The following MDGA2 variants were observed in gnomAD, a reference collection of about 807,000 sequenced individuals.
The protein encoded by MDGA2 is MAM domain containing glycosylphosphatidylinositol anchor 2, also known as MAM domain-containing glycosylphosphatidylinositol anchor protein 2.
A neutral mutation model predicts 117.8 loss-of-function variants in MDGA2; 40 were observed. That is an observed-to-expected ratio of 0.34 (90% CI 0.26 to 0.44). The LOEUF (loss-of-function observed/expected upper bound fraction) is 0.44, where lower values mean the gene tolerates loss of function less well. MDGA2 is among the 20% of genes least tolerant of loss of function. MDGA2 has a pLI of 1.00. For missense variants in MDGA2, 1,123 were observed against 1,250.6 expected (o/e 0.90, Z 1.54); for synonymous variants, 452 against 439.0 (o/e 1.03, Z -0.37).
intron 4 of MDGA2, among the ~76,000 whole-genome samples, chr14:47,142,996 C>A (rs1882789271): frequency 6.6e-6 from 1 of 152,190 alleles, no homozygotes; most frequent in African/African-American, 2.4e-5. Flanking sequence ...CATATAATCA[C>A]TGCATTATTC....
chr14:47,140,228 G>A (rs1882659635), intron 4 of MDGA2, among the ~76,000 whole-genome samples: 1 of 151,964 alleles, frequency 6.6e-6, no homozygotes, highest in Non-Finnish European at 1.5e-5. Context: ...TGGATTGGAA[G>A]AATTAACATT....
At chr14:47,123,358 T>G (rs1258803081) in intron 5 of MDGA2, among the ~76,000 whole-genome samples, 1 of 152,078 alleles carries the variant, frequency 6.6e-6, no homozygotes, top group Non-Finnish European at 1.5e-5. Flanking sequence ...CTTATTGCTC[T>G]GGATACTGCC....
chr14:46,991,101 T>C, intron 8 of MDGA2, among the ~76,000 whole-genome samples: 1 of 152,130 alleles, frequency 6.6e-6, no homozygotes, highest in Non-Finnish European at 1.5e-5. Flanking sequence ...ATTGGGGTCA[T>C]ATGGCCAGAC....
intron 1 of MDGA2, among the ~76,000 whole-genome samples, chr14:47,360,291 C>T (rs542176481): frequency 1.9e-4 from 28 of 151,202 alleles, no homozygotes; most frequent in East Asian, 1.4e-3. Context: ...GCGGAGGTTG[C>T]GGTGAGCCAA....
intron 10 of MDGA2, among the ~76,000 whole-genome samples, chr14:46,890,885 T>G (rs887237589): frequency 1.3e-5 from 2 of 152,112 alleles, no homozygotes; most frequent in African/African-American, 4.8e-5. Context: ...AATCTAAAAC[T>G]TCCTACATAA....
intron 2 of MDGA2, among the ~76,000 whole-genome samples, chr14:47,274,332 C>T (rs189845572): frequency 2.6e-5 from 4 of 152,022 alleles, no homozygotes; most frequent in Admixed American, 6.6e-5. Context: ...GAAGTATGCA[C>T]GATGTTTTTT....
At chr14:47,348,068 T>C (rs1420282402) in intron 1 of MDGA2, among the ~76,000 whole-genome samples, 1 of 152,012 alleles carries the variant, frequency 6.6e-6, no homozygotes, top group African/African-American at 2.4e-5. Context: ...AGCCTGTCTA[T>C]AAAGAGAAAA....
At chr14:47,627,306 A>G (rs569930090) in intron 1 of MDGA2, among the ~76,000 whole-genome samples, 4 of 151,942 alleles carry the variant, frequency 2.6e-5, no homozygotes, top group South Asian at 4.2e-4. Flanking sequence ...GAATGCACCA[A>G]TCGGCACTCT....
At chr14:47,236,026 G>C (rs1318716274) in intron 2 of MDGA2, among the ~76,000 whole-genome samples, 2 of 152,006 alleles carry the variant, frequency 1.3e-5, no homozygotes, top group Non-Finnish European at 2.9e-5. Flanking sequence ...AAAAAACACT[G>C]TGGGGCCTGT....
chr14:47,557,099 G>A (rs536806574), intron 1 of MDGA2, among the ~76,000 whole-genome samples: 11 of 152,110 alleles, frequency 7.2e-5, no homozygotes, highest in African/African-American at 1.2e-4. Flanking sequence ...TCCCCAGGGC[G>A]CATAGTTCAT....
intron 15 of MDGA2, among the ~76,000 whole-genome samples, chr14:46,853,906 T>C (rs905047136): frequency 5.3e-5 from 8 of 151,898 alleles, no homozygotes; most frequent in Non-Finnish European, 2.9e-5. Context: ...TGATATGTTG[T>C]CATTCATTTT....
chr14:47,361,207 C>CTCTCCCTATA (rs61280975), intron 1 of MDGA2, among the ~76,000 whole-genome samples: 7 of 140,496 alleles, frequency 5.0e-5, no homozygotes, highest in Non-Finnish European at 1.1e-4. Context: ...CTCTCTCTCT[C>CTCTCCCTATA]TATATATATA....
At chr14:47,178,794 C>A (rs1167274962) in intron 3 of MDGA2, among the ~76,000 whole-genome samples, 1 of 152,036 alleles carries the variant, frequency 6.6e-6, no homozygotes, top group Non-Finnish European at 1.5e-5. Flanking sequence ...TCAGAAATAG[C>A]AACAAATTCT....
rs373511981 is a variant in MDGA2 at position 47,455,280 on chromosome 14, C to T, written c.281-153730G>A. On this transcript the variant is annotated intron_variant, in intron 1 of 16. Transcript: ENST00000399232. ...CAGCAATTTGGGAGGTCGAGGTGGGCGGATCGCCTGAGGTCAGGAGTTCGA... is the reference window on the plus strand; with the variant it reads ...CAGCAATTTGGGAGGTCGAGGTGGGTGGATCGCCTGAGGTCAGGAGTTCGA... Among the ~76,000 whole-genome samples, 164 of 151,966 alleles carry T rather than the reference C, an allele frequency of 1.1e-3. 1 individual carries two copies. In the South Asian group the frequency reaches 0.032, roughly 30 times the overall value.
chr14:47,628,413 G>A (rs1426708302), intron 1 of MDGA2, among the ~76,000 whole-genome samples: 1 of 152,172 alleles, frequency 6.6e-6, no homozygotes, highest in Non-Finnish European at 1.5e-5. Flanking sequence ...ACAGTGACTG[G>A]CACCATTTGG....
intron 1 of MDGA2, among the ~76,000 whole-genome samples, chr14:47,429,534 A>G (rs1892757459): frequency 6.6e-6 from 1 of 152,102 alleles, no homozygotes; most frequent in African/African-American, 2.4e-5. Flanking sequence ...CTTTTTATAA[A>G]GCATCCATCA....
intron 3 of MDGA2, among the ~76,000 whole-genome samples, chr14:47,154,684 C>T (rs550709854): frequency 1.8e-4 from 28 of 152,310 alleles, no homozygotes; most frequent in Admixed American, 1.1e-3. Flanking sequence ...CTCTTACTAC[C>T]TCACCCACCT....
chr14:47,271,717 G>T (rs72680270), intron 2 of MDGA2, among the ~76,000 whole-genome samples: 5,268 of 151,438 alleles, frequency 0.035, 150 homozygotes, highest in Non-Finnish European at 0.046. Flanking sequence ...TTAGAAAATA[G>T]CTAAAAAACT....
intron 2 of MDGA2, among the ~76,000 whole-genome samples, chr14:47,236,314 C>A (rs111675455): frequency 0.047 from 4,450 of 95,440 alleles, 107 homozygotes; most frequent in African/African-American, 0.061. Flanking sequence ...AAAAAAAAAA[C>A]AACACTGTGG....
Sources: allele counts gnomAD v4.1 joint callset (sites outside exome capture counted in the v4.1 genomes callset), GRCh38; gene constraint gnomAD v4.1.1; transcripts MANE v1.5; gene names NCBI Gene and HGNC (gene_info 2026-07-23, HGNC 2026-07-21).